The following ITPR2 variants were observed in gnomAD, a reference collection of about 807,000 sequenced individuals.
The protein encoded by ITPR2 is inositol 1,4,5-trisphosphate receptor type 2.
ITPR2 carries 207 observed loss-of-function variants against 317.1 expected under a neutral mutation model. That is an observed-to-expected ratio of 0.65 (90% CI 0.58 to 0.73). The LOEUF (loss-of-function observed/expected upper bound fraction) is 0.73. ITPR2 is among the 30% of genes least tolerant of loss of function. The probability of loss-of-function intolerance (pLI) is 0.00; values close to 1 mark genes in which losing one functional copy is unlikely to be tolerated. For synonymous variants in ITPR2, 1,156 were observed against 1,149.1 expected (o/e 1.01, Z -0.12); for missense variants, 2,613 against 3,284.0 (o/e 0.80, Z 4.99).
chr12:26,495,128 G>A (rs1355516146), intron 38 of ITPR2, 24 bp downstream of exon 38: 2 of 1,232,664 alleles, frequency 1.6e-6, no homozygotes. Flanking sequence ...ATCCTAAAAT[G>A]AGAAAACAAA....
chr12:26,625,653 G>A (rs1195441297), intron 23 of ITPR2, among the ~76,000 whole-genome samples: 1 of 152,170 alleles, frequency 6.6e-6, no homozygotes, highest in Non-Finnish European at 1.5e-5. Flanking sequence ...CTCTTATCTA[G>A]AGAAGTGTGT....
Position 26,725,889 on chromosome 12 carries a change from G to T in ITPR2, c.164-124C>A. 3 of 623,844 alleles carry T rather than the reference G, an allele frequency of 4.8e-6. No individual in the cohort carries two copies. The East Asian group carries it at 8.4e-5, about 17-fold the overall frequency. 38.6% of individuals were successfully genotyped at this position (623,844 alleles called of 1,614,324 possible). On this transcript the variant is annotated intron_variant, in intron 2 of 56. Coordinates refer to ENST00000381340, the MANE Select transcript of ITPR2 (RefSeq NM_002223.4). ...ATACAGAACAGTTAAAAGTCATATA[G>T]TCCGTCCTCCAGCCAACTCTCCATT... is the stretch of plus-strand genomic sequence containing the variant.
chr12:26,521,751 A>G (rs1304568130), intron 37 of ITPR2, among the ~76,000 whole-genome samples: 2 of 152,348 alleles, frequency 1.3e-5, no homozygotes, highest in Admixed American at 6.5e-5. Flanking sequence ...AAAGGAAACA[A>G]CAACAACAAC....
At chr12:26,416,875 A>G (rs2136681291) in intron 50 of ITPR2, among the ~76,000 whole-genome samples, 1 of 152,306 alleles carries the variant, frequency 6.6e-6, no homozygotes, top group East Asian at 1.9e-4. Flanking sequence ...AAATCTGGCA[A>G]TGTGCTGTAG....
chr12:26,339,411 T>C lies in ITPR2; in HGVS notation c.8092A>G (p.Met2698Val), dbSNP rs1186448133. The C allele has an allele frequency of 6.2e-7, 1 of 1,613,610 alleles. No homozygotes were observed. Among genetic ancestry groups the C allele is most frequent in the Non-Finnish European group, 8.5e-7 (1 of 1,179,626 alleles). Residue 2698 changes from methionine to valine, a missense_variant, in exon 57 of 57, where the codon ATG (methionine) becomes GTG (valine). By Grantham distance (21) the Met-to-Val change is conservative. Coordinates refer to ENST00000381340, the MANE Select transcript of ITPR2 (RefSeq NM_002223.4). ...GSNTPHVNHH[M>V]PPH Reference sequence around the variant, plus strand: ...CCCCCATGGTATCAGTGTGGTGGCATGTGATGATTCACATGGGGTGTGTTT... The same window carrying C: ...CCCCCATGGTATCAGTGTGGTGGCACGTGATGATTCACATGGGGTGTGTTT...
intron 26 of ITPR2, among the ~76,000 whole-genome samples, chr12:26,604,049 C>T (rs968763418): frequency 3.3e-5 from 5 of 152,190 alleles, no homozygotes; most frequent in African/African-American, 9.7e-5. Flanking sequence ...TACAAAGATA[C>T]ATGAGGCCAA....
chr12:26,518,298 T>C (rs1943579398), intron 37 of ITPR2, among the ~76,000 whole-genome samples: 1 of 152,116 alleles, frequency 6.6e-6, no homozygotes, highest in South Asian at 2.1e-4. Context: ...TGTTCTCACT[T>C]ATAAGGAGGA....
At chr12:26,464,892 T>C (rs552038465) in intron 45 of ITPR2, among the ~76,000 whole-genome samples, 2 of 152,318 alleles carry the variant, frequency 1.3e-5, no homozygotes, top group South Asian at 2.1e-4. Context: ...ATCTGAGTTG[T>C]ACACAGGGTG....
intron 11 of ITPR2, among the ~76,000 whole-genome samples, chr12:26,684,250 G>A (rs1251947682): frequency 6.6e-6 from 1 of 152,154 alleles, no homozygotes; most frequent in Non-Finnish European, 1.5e-5. Context: ...AGCAGCATTG[G>A]ACCATAAAGT....
At chr12:26,431,650 G>A (rs1250494772) in intron 48 of ITPR2, among the ~76,000 whole-genome samples, 1 of 152,152 alleles carries the variant, frequency 6.6e-6, no homozygotes, top group Non-Finnish European at 1.5e-5. Context: ...CAACAGGCTG[G>A]TCCTCTGAGA....
intron 37 of ITPR2, among the ~76,000 whole-genome samples, chr12:26,509,463 TTAAA>T (rs1393019703): frequency 2.0e-5 from 3 of 152,200 alleles, no homozygotes; most frequent in Non-Finnish European, 4.4e-5. Flanking sequence ...AAATCACTCC[TTAAA>T]TAACATTAAA....
At chr12:26,668,535 T>G (rs559601835) in intron 13 of ITPR2, among the ~76,000 whole-genome samples, 1 of 152,152 alleles carries the variant, frequency 6.6e-6, no homozygotes, top group Non-Finnish European at 1.5e-5. Flanking sequence ...GACAAGTGAA[T>G]GTAGAGAAAG....
At chr12:26,360,730 T>C (rs1054863212) in intron 55 of ITPR2, among the ~76,000 whole-genome samples, 1 of 152,238 alleles carries the variant, frequency 6.6e-6, no homozygotes, top group Non-Finnish European at 1.5e-5. Flanking sequence ...AGCTCTTCAA[T>C]AGATGTTCTG....
Position 26,596,889 on chromosome 12 carries a change from G to GTCCTGGGTCGTC in ITPR2, c.4247_4248insGACGACCCAGGA (p.Ile1416delinsMetThrThrGlnAsp). The GTCCTGGGTCGTC allele has an allele frequency of 6.5e-7, 1 of 1,533,414 alleles. No homozygotes were observed. The highest frequency in any genetic ancestry group is 1.3e-5 in the South Asian group (1 of 76,868). The allele number at this position is 1,533,414 out of a possible 1,614,324, so 95.0% of individuals were successfully genotyped here. A position where few individuals can be genotyped will look rare whatever the true frequency, so the allele number is the denominator to read the frequency against. ...AAGCTTTTGCCAGGCTTACCTCAGG[G>GTCCTGGGTCGTC]ATGCAGTCGTCATGGGTCACCACCC... On this transcript the variant is annotated protein_altering_variant, in exon 31 of 57. Coordinates refer to ENST00000381340, the MANE Select transcript of ITPR2 (RefSeq NM_002223.4).
At chr12:26,560,677 C>G (rs948688754) in intron 35 of ITPR2, among the ~76,000 whole-genome samples, 1 of 152,152 alleles carries the variant, frequency 6.6e-6, no homozygotes, top group African/African-American at 2.4e-5. Flanking sequence ...TTCCTCTAGT[C>G]TCTTTTAGAT....
intron 49 of ITPR2, among the ~76,000 whole-genome samples, chr12:26,426,620 T>C (rs553903135): frequency 9.2e-5 from 14 of 152,238 alleles, no homozygotes; most frequent in African/African-American, 3.1e-4. Context: ...CTTCCCTTTA[T>C]TGACAATGAT....
At chr12:26,787,868 G>C (rs1384973983) in intron 2 of ITPR2, among the ~76,000 whole-genome samples, 1 of 150,472 alleles carries the variant, frequency 6.6e-6, no homozygotes, top group African/African-American at 2.4e-5. Flanking sequence ...TAAGGGTTGA[G>C]TCAAATATGT....
chr12:26,374,231 A>G (rs894288178), intron 55 of ITPR2, among the ~76,000 whole-genome samples: 7 of 152,244 alleles, frequency 4.6e-5, no homozygotes, highest in African/African-American at 1.4e-4. Flanking sequence ...TCAGACAACA[A>G]TATAGGAAGC....
chr12:26,422,081 G>T (rs1234861414), intron 49 of ITPR2, among the ~76,000 whole-genome samples: 1 of 149,518 alleles, frequency 6.7e-6, no homozygotes, highest in Non-Finnish European at 1.5e-5. Context: ...TTATCTATTT[G>T]CTAATTATTT....
Sources: gnomAD v4.1 joint callset for allele counts (sites outside exome capture counted in the v4.1 genomes callset) on GRCh38, gnomAD v4.1.1 for gene constraint, MANE v1.5 for transcripts, NCBI Gene and HGNC (gene_info 2026-07-23, HGNC 2026-07-21) for gene names.